The following HECTD4 variants were observed in gnomAD, a reference collection of about 807,000 sequenced individuals.
The protein encoded by HECTD4 is HECT domain E3 ubiquitin protein ligase 4, also known as probable E3 ubiquitin-protein ligase HECTD4.
In HECTD4, 114 loss-of-function variants were observed where a neutral mutation model predicts 471.5. The ratio of observed to expected loss-of-function variants is 0.24; its 90% confidence interval spans 0.21 to 0.28. HECTD4 has a LOEUF of 0.28. HECTD4 is among the 10% of genes least tolerant of loss of function. The probability of loss-of-function intolerance (pLI) is 1.00; values close to 1 mark genes in which losing one functional copy is unlikely to be tolerated. For missense variants in HECTD4, 3,866 were observed against 5,651.5 expected, an observed-to-expected ratio of 0.68 and a Z score of 10.13; for synonymous variants, 2,012 against 2,256.0, an observed-to-expected ratio of 0.89 and a Z score of 3.07.
intron 13 of HECTD4, among the ~76,000 whole-genome samples, chr12:112,268,910 T>C (rs2034349026): frequency 8.0e-6 from 1 of 125,060 alleles, no homozygotes; most frequent in Non-Finnish European, 1.6e-5. Flanking sequence ...AGTTTCGCTC[T>C]GTCGCCCAGG....
In HECTD4 at chr12:112,167,810, C is replaced by T. The variant is rs761556284; in HGVS notation, c.12312+4G>A. ...CGTGGAGCCTCCTCCCGGCCTCTGCCTACCTTGTTCTTATTGACAGCTGAG... is the reference window on the plus strand; with the variant it reads ...CGTGGAGCCTCCTCCCGGCCTCTGCTTACCTTGTTCTTATTGACAGCTGAG... On this transcript the variant is annotated splice_donor_region_variant and intron_variant, in intron 71 of 75. Coordinates refer to ENST00000682272, the MANE Select transcript of HECTD4 (RefSeq NM_001388303.1). 2 of 1,613,030 alleles carry T rather than the reference C, an allele frequency of 1.2e-6. No individual in the cohort carries two copies. The highest frequency in any genetic ancestry group is 2.2e-5 in the South Asian group (2 of 91,056).
chr12:112,358,836 A>G (rs2036393876), intron 1 of HECTD4, among the ~76,000 whole-genome samples: 1 of 152,166 alleles, frequency 6.6e-6, no homozygotes, highest in African/African-American at 2.4e-5. Flanking sequence ...CAACATAGTA[A>G]GAAAGACGCT....
intron 6 of HECTD4, among the ~76,000 whole-genome samples, chr12:112,306,718 A>G (rs2035277307): frequency 6.6e-6 from 1 of 152,190 alleles, no homozygotes; most frequent in Non-Finnish European, 1.5e-5. Context: ...AATGAATATG[A>G]AAAGAAGGAA....
chr12:112,372,779 C>T (rs2036707876), intron 1 of HECTD4, among the ~76,000 whole-genome samples: 1 of 151,912 alleles, frequency 6.6e-6, no homozygotes, highest in Non-Finnish European at 1.5e-5. Flanking sequence ...TTTTTTGAGA[C>T]AGGGTCTGGC....
intron 69 of HECTD4, chr12:112,169,916 C>T (rs959976591): frequency 1.7e-5 from 10 of 585,688 alleles, no homozygotes; most frequent in Non-Finnish European, 2.4e-5. Context: ...CTTCCCTCTG[C>T]CTCTTGGGGA....
intron 70 of HECTD4, among the ~76,000 whole-genome samples, chr12:112,168,346 C>T (rs1593887896): frequency 6.6e-6 from 1 of 152,328 alleles, no homozygotes; most frequent in African/African-American, 2.4e-5. Context: ...CTCAGCACTG[C>T]CTCCCCCAGT....
intron 1 of HECTD4, among the ~76,000 whole-genome samples, chr12:112,331,015 C>T (rs1460197855): frequency 6.6e-6 from 1 of 152,094 alleles, no homozygotes; most frequent in African/African-American, 2.4e-5. Context: ...GTCTGGTTAC[C>T]TCAGAATATG....
chr12:112,268,601 C>G (rs767999510), intron 13 of HECTD4, among the ~76,000 whole-genome samples: 111 of 151,656 alleles, frequency 7.3e-4, no homozygotes, highest in Non-Finnish European at 1.4e-3. Context: ...ACTAAAAATA[C>G]AAAAATTAGC....
At chr12:112,168,673 G>A (rs887549068) in intron 70 of HECTD4, among the ~76,000 whole-genome samples, 2 of 152,202 alleles carry the variant, frequency 1.3e-5, no homozygotes, top group Non-Finnish European at 2.9e-5. Context: ...GACTGCTGAC[G>A]CCTGGAAGGC....
intron 7 of HECTD4, among the ~76,000 whole-genome samples, chr12:112,289,091 C>T (rs1241196690): frequency 6.6e-6 from 1 of 152,116 alleles, no homozygotes; most frequent in Admixed American, 6.5e-5. Flanking sequence ...TATATCTCTT[C>T]TCCTCTCTTC....
chr12:112,192,944 TG>T lies in HECTD4; in HGVS notation c.9086+116del, dbSNP rs1487603514. 13 of 1,323,896 alleles carry T rather than the reference TG, an allele frequency of 9.8e-6. No individual in the cohort carries two copies. The African/African-American group carries it at 1.9e-4, about 19-fold the overall frequency. 82.0% of individuals were successfully genotyped at this position (1,323,896 alleles called of 1,614,324 possible). A position where few individuals can be genotyped will look rare whatever the true frequency, so the allele number is the denominator to read the frequency against. ...CCAAACATAGAAATATGGAGAGAAT[TG>T]TAAGTCATTTGCATTAAAGAATCAG... is the stretch of plus-strand genomic sequence containing the variant. On this transcript the variant is annotated intron_variant, in intron 58 of 75. Transcript: ENST00000682272.
intron 2 of HECTD4, among the ~76,000 whole-genome samples, chr12:112,315,779 C>T (rs957940538): frequency 1.3e-4 from 19 of 151,738 alleles, no homozygotes; most frequent in Non-Finnish European, 2.2e-4. Context: ...ACCTGTAATC[C>T]CAGCACTTTG....
chr12:112,181,908 A>G (rs966293687), intron 62 of HECTD4, among the ~76,000 whole-genome samples: 1 of 152,198 alleles, frequency 6.6e-6, no homozygotes, highest in African/African-American at 2.4e-5. Context: ...CCTGGCCAAC[A>G]TGGTGAAACC....
chr12:112,288,387 T>C (rs746323475), intron 7 of HECTD4, among the ~76,000 whole-genome samples: 19 of 149,606 alleles, frequency 1.3e-4, no homozygotes, highest in Non-Finnish European at 2.1e-4. Context: ...CTTTGGGAGG[T>C]TGAGGCTAGC....
At chr12:112,210,795 T>C (rs796448173) in intron 49 of HECTD4, among the ~76,000 whole-genome samples, 8 of 152,356 alleles carry the variant, frequency 5.3e-5, no homozygotes, top group African/African-American at 1.9e-4. Flanking sequence ...GTCTGATTGA[T>C]TCCTCCAACT....
chr12:112,185,033 C>A lies in HECTD4; in HGVS notation c.9933G>T (p.Lys3311Asn). Residue 3311 changes from lysine (K) to asparagine (N), a missense_variant, in exon 61 of 76, where the codon AAG (lysine) becomes AAT (asparagine). By Grantham distance (94) the Lys-to-Asn change is moderately conservative. This residue lies in a region of HECTD4 where 57 missense variants were observed against 49.8 expected (regional missense o/e 1.14). Transcript: ENST00000682272. Reference protein sequence around the residue: ...QTPQSPSLLSKRKKVKMKREK... With the variant: ...QTPQSPSLLSNRKKVKMKREK... ...CCCGCTTCATCTTGACTTTTTTCCT[C>A]TTGGAGAGGAGGCTGGGACTCTGTG... The A allele has an allele frequency of 6.3e-7, 1 of 1,597,868 alleles. No homozygotes were observed. Among genetic ancestry groups the A allele is most frequent in the African/African-American group, 1.3e-5 (1 of 74,794 alleles).
At chr12:112,309,750 C>A (rs189565946) in intron 4 of HECTD4, 81 bp from the exon 5 acceptor site, 45 of 651,322 alleles carry the variant, frequency 6.9e-5, no homozygotes, top group Non-Finnish European at 1.1e-4. Context: ...AATGAAAAAG[C>A]CATTAGGAGG....
At position 112,286,889 on chromosome 12, in the gene HECTD4, C is replaced by T. The variant is rs114514934; in HGVS notation, c.1336-3587G>A. The stretch of plus-strand genomic sequence containing the variant: ...ATTTTTAGCTACACTCGCCTTCTGT[C>T]ACACCTCCAAAATACCATGCTTCCT... On this transcript the variant is annotated intron_variant, in intron 7 of 75. Coordinates refer to ENST00000682272, the MANE Select transcript of HECTD4 (RefSeq NM_001388303.1). Among the ~76,000 whole-genome samples the T allele has an allele frequency of 7.6e-3, 1,150 of 152,276 alleles. 14 individuals carry two copies. Among genetic ancestry groups the T allele is most frequent in the African/African-American group, 0.025 (1,057 of 41,546 alleles).
At chr12:112,196,296 G>T (rs773302337) in intron 55 of HECTD4, among the ~76,000 whole-genome samples, 1 of 152,224 alleles carries the variant, frequency 6.6e-6, no homozygotes, top group East Asian at 1.9e-4. Context: ...CACTTGATGA[G>T]TGTATGTGTG....
Sources: gnomAD v4.1 joint callset for allele counts (sites outside exome capture counted in the v4.1 genomes callset) on GRCh38, gnomAD v4.1.1 for gene constraint, gnomAD v4.1.1 regional missense constraint, MANE v1.5 for transcripts, NCBI Gene and HGNC (gene_info 2026-07-23, HGNC 2026-07-21) for gene names.